Variants in TRPM3 observed in about 807,000 individuals in gnomAD.
TRPM3 encodes the protein transient receptor potential cation channel subfamily M member 3.
In TRPM3, 77 loss-of-function variants were observed where a neutral mutation model predicts 181.2. That is an observed-to-expected ratio of 0.42 (90% CI 0.35 to 0.51). TRPM3 has a LOEUF of 0.51. Ranked by LOEUF, TRPM3 falls within the 20% of genes least tolerant of loss-of-function variation. The pLI is 0.01. For synonymous variants in TRPM3, 745 were observed against 796.4 expected (o/e 0.94, Z 1.09); for missense variants, 1,759 against 2,196.7 (o/e 0.80, Z 3.98).
chr9:71,159,177 G>A (rs925759372), intron 1 of TRPM3, among the ~76,000 whole-genome samples: 1 of 151,876 alleles, frequency 6.6e-6, no homozygotes, highest in Admixed American at 6.6e-5. Context: ...GTTTTACGGT[G>A]TGTGTGTGGG....
At chr9:71,340,264 G>A (rs1324701352) in intron 1 of TRPM3, among the ~76,000 whole-genome samples, 2 of 152,154 alleles carry the variant, frequency 1.3e-5, no homozygotes, top group African/African-American at 4.8e-5. Flanking sequence ...TGCTGGGCTG[G>A]AGTGAAAGGT....
intron 1 of TRPM3, among the ~76,000 whole-genome samples, chr9:71,069,949 C>T (rs761123270): frequency 1.3e-5 from 2 of 152,208 alleles, no homozygotes; most frequent in Admixed American, 1.3e-4. Context: ...TGACTTCCCT[C>T]AACACCAATC....
At chr9:71,283,772 G>T (rs2085053235) in intron 1 of TRPM3, among the ~76,000 whole-genome samples, 1 of 152,154 alleles carries the variant, frequency 6.6e-6, no homozygotes, top group Admixed American at 6.5e-5. Flanking sequence ...TCTATACCCA[G>T]CTCTATTCTT....
chr9:70,790,737 A>G (rs1384394744), intron 6 of TRPM3, among the ~76,000 whole-genome samples: 1 of 152,202 alleles, frequency 6.6e-6, no homozygotes, highest in Admixed American at 6.5e-5. Context: ...TATGAAAACT[A>G]CATAAATCTG....
intron 1 of TRPM3, among the ~76,000 whole-genome samples, chr9:71,067,048 TCTGTCAGCTCTTGAAA>T (rs71815343): frequency 0.23 from 35,537 of 152,046 alleles, 4,905 homozygotes; most frequent in East Asian, 0.41. Context: ...TTAATACAGT[TCTGTCAGCTCTTGAAA>T]CTCCCACATG....
chr9:70,997,316 C>A (rs1214118089), intron 1 of TRPM3, among the ~76,000 whole-genome samples: 2 of 152,156 alleles, frequency 1.3e-5, no homozygotes, highest in Non-Finnish European at 2.9e-5. Context: ...CTGCCTCAGC[C>A]TCCTGAGTAG....
intron 20 of TRPM3, among the ~76,000 whole-genome samples, chr9:70,600,838 T>C (rs1029914097): frequency 1.3e-5 from 2 of 152,220 alleles, no homozygotes; most frequent in South Asian, 2.1e-4. Flanking sequence ...GCTCACACTT[T>C]CCTAAAACTG....
At chr9:70,607,356 A>G (rs1230263144) in intron 19 of TRPM3, among the ~76,000 whole-genome samples, 4 of 152,220 alleles carry the variant, frequency 2.6e-5, no homozygotes, top group African/African-American at 7.2e-5. Context: ...TGGTGATTCA[A>G]AAGACTGGCA....
chr9:70,610,384 C>T (rs2061828674), intron 19 of TRPM3, among the ~76,000 whole-genome samples: 1 of 152,182 alleles, frequency 6.6e-6, no homozygotes, highest in African/African-American at 2.4e-5. Context: ...TAGTTCTCAC[C>T]TCCACCATTT....
chr9:70,690,700 T>C (rs187347429), intron 8 of TRPM3, among the ~76,000 whole-genome samples: 6 of 152,218 alleles, frequency 3.9e-5, no homozygotes, highest in Admixed American at 6.5e-5. Flanking sequence ...CAGCAATTAA[T>C]AGAAAACACA....
At chr9:71,078,045 T>C (rs1209183274) in intron 1 of TRPM3, among the ~76,000 whole-genome samples, 3 of 152,060 alleles carry the variant, frequency 2.0e-5, no homozygotes, top group Non-Finnish European at 4.4e-5. Flanking sequence ...CAACTCCGTC[T>C]CTAGAAAATC....
chr9:70,647,879 A>G (rs1458311917), intron 9 of TRPM3, among the ~76,000 whole-genome samples: 1 of 152,234 alleles, frequency 6.6e-6, no homozygotes, highest in African/African-American at 2.4e-5. Context: ...AAAAATCAGT[A>G]GTATTCTATA....
chr9:71,166,044 A>T (rs149597922), intron 1 of TRPM3, among the ~76,000 whole-genome samples: 3 of 152,296 alleles, frequency 2.0e-5, no homozygotes, highest in East Asian at 3.9e-4. Flanking sequence ...ATAGCATGTC[A>T]GCGGACACAG....
At chr9:70,694,194 A>T (rs1296585088) in intron 8 of TRPM3, among the ~76,000 whole-genome samples, 2 of 152,180 alleles carry the variant, frequency 1.3e-5, no homozygotes, top group African/African-American at 4.8e-5. Flanking sequence ...TGTGAGACTG[A>T]CCGTATGAGG....
Position 71,271,712 on chromosome 9 carries a change from C to T in TRPM3, c.183+174941G>A, listed in dbSNP as rs1392245600. 1.3e-5 allele frequency among the ~76,000 whole-genome samples: 2 copies of T among 152,110 alleles called. 1 individual carries two copies. The highest frequency in any genetic ancestry group is 1.3e-4 in the Admixed American group (2 of 15,282). ...GGTAATGACTGGACTGGCGAACGTA[C>T]CTCCATGGATTTCTCAACAGGAGGT... On this transcript the variant is annotated intron_variant, in intron 1 of 24. Coordinates refer to the TRPM3 transcript ENST00000357533.
intron 1 of TRPM3, among the ~76,000 whole-genome samples, chr9:71,401,658 C>A (rs567216347): frequency 3.9e-5 from 6 of 152,180 alleles, no homozygotes; most frequent in Non-Finnish European, 7.4e-5. Context: ...TTAATACATA[C>A]GGTGGTTAGA....
At chr9:71,398,528 T>C (rs12339460) in intron 1 of TRPM3, among the ~76,000 whole-genome samples, 67,684 of 151,902 alleles carry the variant, frequency 0.45, 15,281 homozygotes, top group South Asian at 0.52. Flanking sequence ...TGAGAGTGAA[T>C]GAGTTCTCAG....
chr9:70,826,565 G>C lies in TRPM3; in HGVS notation c.973+1282C>G, dbSNP rs1044746500. On this transcript the variant is annotated intron_variant, in intron 6 of 25. Coordinates refer to ENST00000677713, the MANE Select transcript of TRPM3 (RefSeq NM_001366145.2). ...CCCTAAAAGGTGGGACCAGAAAAGA[G>C]AGTGTAGGAAGGAGAAGCTGTGGTC... 3.3e-5 allele frequency: 5 copies of C among 152,240 alleles called. No homozygotes were observed. In the East Asian group the frequency reaches 7.7e-4, roughly 23 times the overall value. 9.4% of individuals were successfully genotyped at this position (152,240 alleles called of 1,614,324 possible). A position where few individuals can be genotyped will look rare whatever the true frequency, so the allele number is the denominator to read the frequency against.
At chr9:71,207,585 T>A (rs1219681984) in intron 1 of TRPM3, among the ~76,000 whole-genome samples, 1 of 152,128 alleles carries the variant, frequency 6.6e-6, no homozygotes, top group Admixed American at 6.5e-5. Flanking sequence ...AGATATTGCA[T>A]ATCATTTGGT....
Sources: allele counts gnomAD v4.1 joint callset (sites outside exome capture counted in the v4.1 genomes callset), GRCh38; gene constraint gnomAD v4.1.1; transcripts MANE v1.5; gene names NCBI Gene and HGNC (gene_info 2026-07-23, HGNC 2026-07-21).